SUCO: variants seen among roughly 807,000 people sequenced by gnomAD.
SUCO encodes the protein SUN domain containing ossification factor.
In SUCO, 57 loss-of-function variants were observed where a neutral mutation model predicts 148.1. That is an observed-to-expected ratio of 0.38 (90% confidence interval 0.31 to 0.48). The LOEUF (loss-of-function observed/expected upper bound fraction) is 0.48. Ranked by LOEUF, SUCO falls within the 20% of genes least tolerant of loss-of-function variation. The probability of loss-of-function intolerance (pLI) is 0.96; values close to 1 mark genes in which losing one functional copy is unlikely to be tolerated. For synonymous variants in SUCO, 470 were observed against 502.7 expected, an observed-to-expected ratio of 0.93 and a Z score of 0.87; for missense variants, 1,331 against 1,468.2, an observed-to-expected ratio of 0.91 and a Z score of 1.53.
In SUCO at chr1:172,569,064, G is replaced by A; in HGVS notation, c.778G>A (p.Ala260Thr). ...AGGAGACATTGACCCTACATCAGTA[G>A]CAAGTCCCAAAGATCCAGAAGATAT... ...KPGDIDPTSV[A>T]SPKDPEDIPT... The change falls in exon 7 of 24, where the codon GCA becomes ACA. Residue 260 changes from alanine (A) to threonine (T), a missense_variant. Ala to Thr is a moderately conservative substitution (Grantham distance 58). Around this residue, in one of 3 missense-constraint regions of SUCO, gnomAD observed 992 missense variants for 1,093.5 expected, o/e 0.91. Transcript: ENST00000263688. 1 of 1,599,472 alleles carries A rather than the reference G, an allele frequency of 6.3e-7. No homozygotes were observed. Among genetic ancestry groups the A allele is most frequent in the Non-Finnish European group, 8.5e-7 (1 of 1,175,750 alleles).
At chr1:172,609,550 T>G (rs1227056529) in intron 23 of SUCO, 1 of 983,456 alleles carries the variant, frequency 1.0e-6, no homozygotes, top group Admixed American at 6.2e-5. Flanking sequence ...TAGTAGGTAT[T>G]CAGATATTAG....
chr1:172,532,740 G>C (rs750143308), upstream of SUCO: 7 of 1,613,970 alleles, frequency 4.3e-6, no homozygotes, highest in Non-Finnish European at 5.9e-6. Flanking sequence ...ACGAATTCTG[G>C]AAGGCAAACT....
intron 19 of SUCO, 93 bp downstream of exon 19, chr1:172,591,164 T>A: frequency 1.1e-6 from 1 of 902,550 alleles, no homozygotes; most frequent in African/African-American, 1.7e-5. Flanking sequence ...GTAGTTTCAC[T>A]TTTTCCCCCT....
intron 19 of SUCO, among the ~76,000 whole-genome samples, chr1:172,597,203 A>G (rs1170501929): frequency 6.6e-6 from 1 of 152,226 alleles, no homozygotes. Flanking sequence ...TCCCTTGGCT[A>G]GGAAAGGGAA....
chr1:172,542,916 C>G (rs1398279637), intron 1 of SUCO: 2 of 985,062 alleles, frequency 2.0e-6, no homozygotes, highest in Non-Finnish European at 2.4e-6. Flanking sequence ...AACTGAGAAA[C>G]TTTTCAAAAG....
intron 13 of SUCO, 80 bp from the exon 14 acceptor site, chr1:172,578,218 A>G (rs1211013129): frequency 9.2e-7 from 1 of 1,081,848 alleles, no homozygotes; most frequent in Non-Finnish European, 1.4e-6. Flanking sequence ...ACCAAAGTTG[A>G]TGTTTGTCAT....
intron 19 of SUCO, among the ~76,000 whole-genome samples, chr1:172,598,425 GT>G (rs1204902623): frequency 3.3e-5 from 5 of 152,232 alleles, no homozygotes; most frequent in Admixed American, 2.6e-4. Context: ...GGCTGTAGTA[GT>G]TTTTTGCGTT....
At position 172,589,835 on chromosome 1, in the gene SUCO, G is replaced by A; in HGVS notation, c.2734G>A (p.Glu912Lys). 1.2e-6 allele frequency: 2 copies of A among 1,607,572 alleles called. No individual in the cohort carries two copies. Among genetic ancestry groups the A allele is most frequent in the Non-Finnish European group, 1.7e-6 (2 of 1,178,064 alleles). ...GNLVHGSNQK[E>K]SVFMRLNNRI... ...TCTTGTACATGGATCAAACCAAAAG[G>A]AGTCAGTATTTATGAGACTTAATAA... Residue 912 changes from glutamate to lysine, a missense_variant, in exon 18 of 24, where the codon GAG becomes AAG. Physicochemically the swap from Glu to Lys is moderately conservative, Grantham distance 56 (BLOSUM62 1). Coordinates refer to ENST00000263688, the MANE Select transcript of SUCO (RefSeq NM_014283.5).
chr1:172,572,737 G>A (rs1277185089), intron 9 of SUCO, among the ~76,000 whole-genome samples: 56 of 147,410 alleles, frequency 3.8e-4, no homozygotes, highest in Middle Eastern at 3.6e-3. Flanking sequence ...GAATAAGGGG[G>A]CAGTGCTAAA....
intron 1 of SUCO, among the ~76,000 whole-genome samples, chr1:172,533,989 C>T (rs899850948): frequency 1.3e-5 from 2 of 152,146 alleles, no homozygotes; most frequent in African/African-American, 4.8e-5. Context: ...ATTTCTCGCA[C>T]AGCGTTTGAT....
chr1:172,556,665 G>T, intron 4 of SUCO: 1 of 984,782 alleles, frequency 1.0e-6, no homozygotes, highest in Non-Finnish European at 1.2e-6. Context: ...TGAAGGAGTT[G>T]CACAAGATAT....
At chr1:172,604,870 T>G (rs1235017469) in intron 22 of SUCO, among the ~76,000 whole-genome samples, 1 of 151,904 alleles carries the variant, frequency 6.6e-6, no homozygotes, top group Non-Finnish European at 1.5e-5. Context: ...AAGGGTGAAA[T>G]AATATTCCAT....
At chr1:172,557,546 T>A in intron 5 of SUCO, 98 bp from the exon 6 acceptor site, 1 of 1,473,282 alleles carries the variant, frequency 6.8e-7, no homozygotes, top group Non-Finnish European at 9.2e-7. Flanking sequence ...TGTTTCTTCC[T>A]TGGTTTACTT....
intron 9 of SUCO, among the ~76,000 whole-genome samples, chr1:172,572,740 G>A (rs1223660311): frequency 6.9e-6 from 1 of 145,036 alleles, no homozygotes; most frequent in African/African-American, 2.6e-5. Flanking sequence ...TAAGGGGGCA[G>A]TGCTAAAAAG....
At chr1:172,557,449 G>C in intron 5 of SUCO, 32 bp downstream of exon 5, 22 of 1,612,910 alleles carry the variant, frequency 1.4e-5, no homozygotes, top group Non-Finnish European at 1.9e-5. Context: ...TCCTTCTTAT[G>C]ATTCTGTAAT....
chr1:172,577,225 A>G (rs1655512011), intron 11 of SUCO: 1 of 186,136 alleles, frequency 5.4e-6, no homozygotes, highest in Non-Finnish European at 1.0e-5. Flanking sequence ...CTGTTTATTA[A>G]TTGCTTTTAG....
intron 19 of SUCO, among the ~76,000 whole-genome samples, chr1:172,596,368 T>C (rs1305397665): frequency 1.3e-5 from 2 of 152,220 alleles, no homozygotes; most frequent in African/African-American, 4.8e-5. Flanking sequence ...GCGCTCTCAT[T>C]TTTAGAATTT....
At chr1:172,560,224 CA>C (rs1654052127) in intron 6 of SUCO, among the ~76,000 whole-genome samples, 1 of 152,182 alleles carries the variant, frequency 6.6e-6, no homozygotes, top group Non-Finnish European at 1.5e-5. Context: ...AGACAGCCTT[CA>C]AAGGTCCCAG....
chr1:172,574,037 T>G (rs377219438), intron 10 of SUCO, 39 bp downstream of exon 10: 4 of 1,225,770 alleles, frequency 3.3e-6, no homozygotes, highest in Non-Finnish European at 4.6e-6. Context: ...CTATGTTGGA[T>G]CTCTGAAAAA....
Sources: allele counts gnomAD v4.1 joint callset (sites outside exome capture counted in the v4.1 genomes callset), GRCh38; gene constraint gnomAD v4.1.1; regional missense constraint gnomAD v4.1.1; transcripts MANE v1.5; gene names NCBI Gene and HGNC (gene_info 2026-07-23, HGNC 2026-07-21).